The following ACTN1 variants were observed in gnomAD, a reference collection of about 807,000 sequenced individuals.
ACTN1 encodes actinin alpha 1, also known as alpha-actinin-1.
In ACTN1, 30 loss-of-function variants were observed where a neutral mutation model predicts 119.6. The observed-to-expected ratio is 0.25, with a 90% CI of 0.19 to 0.34. The LOEUF (loss-of-function observed/expected upper bound fraction) is 0.34, where lower values mean the gene tolerates loss of function less well. ACTN1 is among the 10% of genes least tolerant of loss of function. The pLI, the probability that ACTN1 is intolerant of heterozygous loss-of-function variation, is 1.00. For missense variants in ACTN1, 764 were observed against 1,223.4 expected (o/e 0.62, Z 5.60); for synonymous variants, 429 against 472.6 (o/e 0.91, Z 1.20).
intron 1 of ACTN1, chr14:68,936,914 G>A: frequency 1.8e-6 from 1 of 553,268 alleles, no homozygotes; most frequent in Non-Finnish European, 3.6e-6. Context: ...AGAGTTTGCA[G>A]CCATGAAGGG....
intron 3 of ACTN1, among the ~76,000 whole-genome samples, chr14:68,920,758 G>A (rs557076536): frequency 5.7e-4 from 87 of 152,336 alleles, no homozygotes; most frequent in African/African-American, 2.0e-3. Flanking sequence ...ACAGAGCAAG[G>A]ACGTGGCTAA....
chr14:68,912,007 G>A, intron 4 of ACTN1, 149 bp downstream of exon 4: 1 of 657,460 alleles, frequency 1.5e-6, no homozygotes, highest in South Asian at 1.9e-5. Flanking sequence ...ATTGACTGGA[G>A]GAGAAGGCTG....
intron 1 of ACTN1, among the ~76,000 whole-genome samples, chr14:68,953,687 G>A (rs906634752): frequency 6.6e-6 from 1 of 151,066 alleles, no homozygotes; most frequent in African/African-American, 2.4e-5. Context: ...GACCAGCCTG[G>A]CCAATATGGT....
Position 68,885,919 on chromosome 14 carries a change from C to A in ACTN1, c.1235-344G>T. 9.2e-6 allele frequency: 2 copies of A among 216,442 alleles called. No individual in the cohort carries two copies. The highest frequency in any genetic ancestry group is 2.0e-4 in the South Asian group (2 of 9,864). 13.4% of individuals were successfully genotyped at this position (216,442 alleles called of 1,614,324 possible). A position where few individuals can be genotyped will look rare whatever the true frequency, so the allele number is the denominator to read the frequency against. ...TCTGGTATAACCAGGAAAAAAACAA[C>A]CCAAGCACCTCAGGAGTACCCTGCC... On this transcript the variant is annotated intron_variant, in intron 11 of 21. Coordinates refer to ENST00000394419, the MANE Select transcript of ACTN1 (RefSeq NM_001130004.2). This position sits in a 1 kb window ranked among gnomAD's most constrained non-coding sequence, Gnocchi z 5.6.
chr14:68,874,486 GA>G lies in ACTN1; in HGVS notation c.*372del, dbSNP rs71770347. ...AATACAGCAGATGGAACAGATAGAA[GA>G]AAAAAAAATCAGTAAAAAGGATGGA... On this transcript the variant is annotated 3_prime_UTR_variant, in exon 22 of 22. Transcript: ENST00000394419. 34,562 of 164,818 alleles carry G rather than the reference GA, an allele frequency of 0.21. 4,116 individuals are homozygous for G. Among genetic ancestry groups the G allele is most frequent in the Admixed American group, 0.35 (5,427 of 15,722 alleles). The allele number at this position is 164,818 out of a possible 1,614,324, so 10.2% of individuals were successfully genotyped here. A position where few individuals can be genotyped will look rare whatever the true frequency, so the allele number is the denominator to read the frequency against.
In ACTN1 at chr14:68,918,084, AAGG is replaced by A. The variant is rs1035033745; in HGVS notation, c.340+2919_340+2921del. On this transcript the variant is annotated intron_variant, in intron 3 of 21. Coordinates refer to ENST00000394419, the MANE Select transcript of ACTN1 (RefSeq NM_001130004.2). Reference sequence around the variant, plus strand: ...ACCCTGTCTCAAAAAATAAAAAATAAAGGAGCCTTTTCAAAATCTTTAGAGAAG... The same window carrying A: ...ACCCTGTCTCAAAAAATAAAAAATAAAGCCTTTTCAAAATCTTTAGAGAAG... Among the ~76,000 whole-genome samples the A allele has an allele frequency of 6.6e-5, 10 of 152,326 alleles. 2 individuals carry two copies. The highest frequency in any genetic ancestry group is 2.2e-4 in the African/African-American group (9 of 41,574).
chr14:68,923,973 G>A (rs56138301), intron 2 of ACTN1, among the ~76,000 whole-genome samples: 1 of 152,222 alleles, frequency 6.6e-6, no homozygotes, highest in African/African-American at 2.4e-5. Flanking sequence ...GCTCCAACAT[G>A]GATGAACCGT....
At chr14:68,960,480 T>C (rs899301426) in intron 1 of ACTN1, among the ~76,000 whole-genome samples, 1 of 152,164 alleles carries the variant, frequency 6.6e-6, no homozygotes, top group Non-Finnish European at 1.5e-5. Context: ...TATATATAAT[T>C]TAAAATTTTC....
Position 68,882,387 on chromosome 14 carries a change from C to G in ACTN1, c.1953+71G>C. The G allele has an allele frequency of 6.4e-7, 1 of 1,561,906 alleles. No individual in the cohort carries two copies. The highest frequency in any genetic ancestry group is 1.4e-5 in the African/African-American group (1 of 73,282). The stretch of plus-strand genomic sequence containing the variant: ...GGGTCCCACCCAGGGAGACAGGCAG[C>G]CTGGCTGGCTAGGATAGTGTCGGGG... On this transcript the variant is annotated intron_variant, in intron 16 of 21. Transcript: ENST00000394419. This position sits in a 1 kb window ranked among gnomAD's most constrained non-coding sequence, Gnocchi z 4.5.
intron 1 of ACTN1, among the ~76,000 whole-genome samples, chr14:68,973,051 G>C (rs964598487): frequency 6.6e-6 from 1 of 152,206 alleles, no homozygotes; most frequent in Non-Finnish European, 1.5e-5. Flanking sequence ...CACTAGACCA[G>C]ACTCACCATG....
In ACTN1 at chr14:68,892,330, G is replaced by C; in HGVS notation, c.856-47C>G. On this transcript the variant is annotated intron_variant, in intron 9 of 21. Transcript: ENST00000394419. ...GGCAGGAGGTGAGGAGGCGGGGAGG[G>C]AGTGTGCTAGGGCCAGCCTCCCTTT... The C allele has an allele frequency of 4.5e-6, 7 of 1,569,702 alleles. No individual in the cohort carries two copies. The African/African-American group carries it at 8.1e-5, about 18-fold the overall frequency.
At chr14:68,902,430 C>T (rs755189215) in intron 8 of ACTN1, 47 bp downstream of exon 8, 1 of 1,520,924 alleles carries the variant, frequency 6.6e-7, no homozygotes, top group East Asian at 2.3e-5. Context: ...GTTTGGGGTC[C>T]AGCAGGAGGT....
chr14:68,887,383 A>G (rs1320053888), intron 11 of ACTN1: 1 of 511,756 alleles, frequency 2.0e-6, no homozygotes, highest in East Asian at 7.2e-5. Context: ...ATTCTACTAA[A>G]AAAACAACAT....
At chr14:68,919,919 T>C (rs2034550689) in intron 3 of ACTN1, among the ~76,000 whole-genome samples, 1 of 152,216 alleles carries the variant, frequency 6.6e-6, no homozygotes, top group African/African-American at 2.4e-5. Flanking sequence ...TTGCTGAGCC[T>C]GTGTTAAAGT....
intron 1 of ACTN1, among the ~76,000 whole-genome samples, chr14:68,938,071 A>G (rs988558768): frequency 1.3e-5 from 2 of 152,228 alleles, no homozygotes; most frequent in African/African-American, 4.8e-5. Context: ...AAGTGATCTC[A>G]GATGCCCAGT....
intron 1 of ACTN1, chr14:68,947,322 G>A (rs887964750): frequency 5.3e-5 from 8 of 152,192 alleles, no homozygotes; most frequent in African/African-American, 1.9e-4. Context: ...GCACCCCTTG[G>A]CCCATCCACA....
In ACTN1 at chr14:68,885,027, T is replaced by G; in HGVS notation, c.1386-144A>C. 1 of 662,596 alleles carries G rather than the reference T, an allele frequency of 1.5e-6. No homozygotes were observed. Among genetic ancestry groups the G allele is most frequent in the African/African-American group, 1.8e-5 (1 of 55,382 alleles). 41.0% of individuals were successfully genotyped at this position (662,596 alleles called of 1,614,324 possible). A position where few individuals can be genotyped will look rare whatever the true frequency, so the allele number is the denominator to read the frequency against. On this transcript the variant is annotated intron_variant, in intron 12 of 21. Transcript: ENST00000394419. This position sits in a 1 kb window ranked among gnomAD's most constrained non-coding sequence, Gnocchi z 5.6. ...CTTCAAGAGACCTTCCAGGCACTCCTTCCACCCCTCCCCTCTTTCAGGAGA... is the reference window on the plus strand; with the variant it reads ...CTTCAAGAGACCTTCCAGGCACTCCGTCCACCCCTCCCCTCTTTCAGGAGA...
At chr14:68,951,343 G>A (rs543011034) in intron 1 of ACTN1, among the ~76,000 whole-genome samples, 5 of 152,242 alleles carry the variant, frequency 3.3e-5, no homozygotes, top group East Asian at 3.9e-4. Flanking sequence ...CCACCCCACC[G>A]TCCTCCACTA....
chr14:68,913,817 G>A (rs1024118567), intron 3 of ACTN1, among the ~76,000 whole-genome samples: 1 of 152,146 alleles, frequency 6.6e-6, no homozygotes, highest in Non-Finnish European at 1.5e-5. Context: ...CAAATGCTTG[G>A]GTTGGAGAGA....
Sources: gnomAD v4.1 joint callset for allele counts (sites outside exome capture counted in the v4.1 genomes callset) on GRCh38, gnomAD v4.1.1 for gene constraint, Gnocchi (gnomAD v3.1) non-coding constraint, MANE v1.5 for transcripts, NCBI Gene and HGNC (gene_info 2026-07-23, HGNC 2026-07-21) for gene names.